Variants in EYS observed in about 807,000 individuals in gnomAD.
EYS encodes the protein protein eyes shut homolog.
In EYS, 250 loss-of-function variants were observed where a neutral mutation model predicts 282.1. The ratio of observed to expected loss-of-function variants is 0.89; its 90% CI spans 0.80 to 0.98. EYS has a LOEUF of 0.98. EYS is among the 50% of genes least tolerant of loss of function. EYS has a pLI of 0.00. For synonymous variants in EYS, 1,355 were observed against 1,282.9 expected (o/e 1.06, Z -1.20); for missense variants, 4,016 against 3,709.0 (o/e 1.08, Z -2.15).
At chr6:63,880,210 C>T (rs6454475) in intron 35 of EYS, among the ~76,000 whole-genome samples, 55,432 of 151,770 alleles carry the variant, frequency 0.37, 10,564 homozygotes, top group South Asian at 0.47. Flanking sequence ...GACAGACCCA[C>T]CCTTAATCTG....
intron 26 of EYS, among the ~76,000 whole-genome samples, chr6:64,467,695 T>G (rs1193084616): frequency 6.6e-6 from 1 of 152,076 alleles, no homozygotes; most frequent in Non-Finnish European, 1.5e-5. Flanking sequence ...TTGTGTACAT[T>G]ACTGGGGACC....
At chr6:65,579,230 C>G (rs1040834488) in intron 2 of EYS, among the ~76,000 whole-genome samples, 1 of 151,860 alleles carries the variant, frequency 6.6e-6, no homozygotes, top group Non-Finnish European at 1.5e-5. Context: ...AAGCCAGTTA[C>G]AAGAATCAAG....
intron 26 of EYS, among the ~76,000 whole-genome samples, chr6:64,575,827 T>C (rs747529243): frequency 9.2e-5 from 14 of 151,816 alleles, no homozygotes; most frequent in African/African-American, 1.5e-4. Flanking sequence ...CTAAAGAGAG[T>C]ATATGGAATT....
intron 12 of EYS, among the ~76,000 whole-genome samples, chr6:65,198,043 C>T (rs1201332863): frequency 2.0e-5 from 3 of 152,072 alleles, no homozygotes; most frequent in East Asian, 3.9e-4. Flanking sequence ...AACACAAGCA[C>T]ATTGTACAGC....
intron 22 of EYS, among the ~76,000 whole-genome samples, chr6:64,679,654 G>A (rs984141486): frequency 6.6e-6 from 1 of 152,152 alleles, no homozygotes; most frequent in Admixed American, 6.6e-5. Context: ...CAACTGCAGT[G>A]TGTGGGAGGG....
At chr6:64,979,296 T>C (rs568999864) in intron 14 of EYS, among the ~76,000 whole-genome samples, 1 of 151,894 alleles carries the variant, frequency 6.6e-6, no homozygotes, top group East Asian at 1.9e-4. Context: ...TAAAACAAGA[T>C]GAAAATAAAT....
At chr6:65,021,312 AG>A (rs1247395222) in intron 13 of EYS, among the ~76,000 whole-genome samples, 1 of 152,190 alleles carries the variant, frequency 6.6e-6, no homozygotes, top group East Asian at 1.9e-4. Flanking sequence ...TCAAGTTCAA[AG>A]TTCCACAGAT....
At chr6:64,090,511 T>C (rs1048096248) in intron 31 of EYS, among the ~76,000 whole-genome samples, 5 of 152,206 alleles carry the variant, frequency 3.3e-5, no homozygotes, top group Non-Finnish European at 7.4e-5. Flanking sequence ...CAGCTCTTAT[T>C]CAACTGCATA....
chr6:64,803,103 C>T (rs945787670), intron 22 of EYS, among the ~76,000 whole-genome samples: 1 of 152,170 alleles, frequency 6.6e-6, no homozygotes, highest in African/African-American at 2.4e-5. Flanking sequence ...ATGTGGTCCT[C>T]AGAAGCTTGG....
intron 30 of EYS, among the ~76,000 whole-genome samples, chr6:64,306,591 C>A (rs9353701): frequency 0.69 from 104,344 of 152,054 alleles, 35,844 homozygotes; most frequent in South Asian, 0.71. Context: ...ACAAGGACAA[C>A]TTTTTGAGAG....
intron 12 of EYS, among the ~76,000 whole-genome samples, chr6:65,251,481 C>A (rs1767322648): frequency 6.6e-6 from 1 of 151,414 alleles, no homozygotes; most frequent in African/African-American, 2.4e-5. Flanking sequence ...AAAATGAAAT[C>A]TATTTATTTG....
chr6:65,062,787 C>T (rs1020311664), intron 12 of EYS, among the ~76,000 whole-genome samples: 10 of 151,900 alleles, frequency 6.6e-5, no homozygotes, highest in South Asian at 2.1e-4. Context: ...AAATGGAAAC[C>T]GCATAAAGAG....
At chr6:65,020,187 A>G (rs1415689610) in intron 13 of EYS, among the ~76,000 whole-genome samples, 1 of 152,102 alleles carries the variant, frequency 6.6e-6, no homozygotes, top group Non-Finnish European at 1.5e-5. Context: ...TAGTACCCCA[A>G]CATCTTAACT....
At chr6:65,505,368 A>C (rs1766619548) in intron 2 of EYS, among the ~76,000 whole-genome samples, 1 of 151,604 alleles carries the variant, frequency 6.6e-6, no homozygotes, top group Admixed American at 6.6e-5. Context: ...CTTTTGTATT[A>C]GTTTATTTTC....
At chr6:65,237,218 T>C (rs1381508330) in intron 12 of EYS, among the ~76,000 whole-genome samples, 2 of 152,190 alleles carry the variant, frequency 1.3e-5, no homozygotes, top group Non-Finnish European at 2.9e-5. Context: ...TGCACTTTGC[T>C]CACTATAACT....
chr6:63,933,296 G>T (rs1266308263), intron 35 of EYS, among the ~76,000 whole-genome samples: 2 of 151,982 alleles, frequency 1.3e-5, no homozygotes, highest in Non-Finnish European at 2.9e-5. Context: ...GCAGTGGCGC[G>T]ATCTTGGCTC....
At chr6:64,196,729 C>A in intron 31 of EYS, among the ~76,000 whole-genome samples, 1 of 132,342 alleles carries the variant, frequency 7.6e-6, no homozygotes, top group East Asian at 2.3e-4. Flanking sequence ...GAACATCACA[C>A]TCTGGGGACT....
intron 16 of EYS, among the ~76,000 whole-genome samples, chr6:64,905,341 C>T (rs2150073092): frequency 6.6e-6 from 1 of 152,162 alleles, no homozygotes; most frequent in South Asian, 2.1e-4. Flanking sequence ...AAGAAACTGC[C>T]CAAACAGAAA....
intron 16 of EYS, among the ~76,000 whole-genome samples, chr6:64,906,710 C>A (rs766032648): frequency 6.6e-6 from 1 of 152,138 alleles, no homozygotes; most frequent in Non-Finnish European, 1.5e-5. Flanking sequence ...ACATTTTAAT[C>A]CTGTCATTTA....
Sources: allele counts gnomAD v4.1 joint callset (sites outside exome capture counted in the v4.1 genomes callset), GRCh38; gene constraint gnomAD v4.1.1; transcripts MANE v1.5; gene names NCBI Gene and HGNC (gene_info 2026-07-23, HGNC 2026-07-21).